TENM2: variants seen among roughly 807,000 people sequenced by gnomAD.
TENM2 encodes the protein teneurin-2.
A neutral mutation model predicts 245.2 loss-of-function variants in TENM2; 52 were observed. That is an observed-to-expected ratio of 0.21 (90% CI 0.17 to 0.27). The LOEUF (loss-of-function observed/expected upper bound fraction) is 0.27. Among genes scored for constraint, TENM2 ranks in the 10% least tolerant of loss-of-function variants. The probability of loss-of-function intolerance (pLI) is 1.00; values close to 1 mark genes in which losing one functional copy is unlikely to be tolerated. For missense variants in TENM2, 3,046 were observed against 3,666.8 expected, an observed-to-expected ratio of 0.83 and a Z score of 4.37; for synonymous variants, 1,363 against 1,438.9, an observed-to-expected ratio of 0.95 and a Z score of 1.19.
intron 2 of TENM2, among the ~76,000 whole-genome samples, chr5:167,593,237 C>CA (rs572699264): frequency 6.6e-6 from 1 of 152,108 alleles, no homozygotes; most frequent in Non-Finnish European, 1.5e-5. Context: ...AGTATTATTA[C>CA]AAAAAAGATG....
intron 11 of TENM2, 72 bp from the exon 14 acceptor site, chr5:168,126,682 G>A: frequency 7.5e-7 from 1 of 1,327,230 alleles, no homozygotes; most frequent in Non-Finnish European, 1.0e-6. Flanking sequence ...TCTGGGCCAT[G>A]TGCGTGGTCT....
intron 2 of TENM2, among the ~76,000 whole-genome samples, chr5:167,419,010 A>G (rs962958589): frequency 6.6e-6 from 1 of 152,186 alleles, no homozygotes; most frequent in Non-Finnish European, 1.5e-5. Flanking sequence ...ACTAAAGTAT[A>G]TAACTATACT....
chr5:167,364,989 G>A (rs1259407700), intron 1 of TENM2, among the ~76,000 whole-genome samples: 4 of 151,710 alleles, frequency 2.6e-5, no homozygotes, highest in African/African-American at 4.8e-5. Flanking sequence ...CACTACACAC[G>A]AGAATTCTCG....
intron 2 of TENM2, among the ~76,000 whole-genome samples, chr5:167,548,807 C>T (rs1344264734): frequency 6.6e-6 from 1 of 152,098 alleles, no homozygotes; most frequent in Admixed American, 6.5e-5. Context: ...ATGTATTTTT[C>T]AGTTGTTGGA....
intron 2 of TENM2, among the ~76,000 whole-genome samples, chr5:167,750,882 C>G (rs1280134215): frequency 6.6e-6 from 1 of 152,038 alleles, no homozygotes; most frequent in Non-Finnish European, 1.5e-5. Flanking sequence ...ATATCATATT[C>G]CACCAGTGTA....
At chr5:168,071,547 G>A (rs1392195331) in intron 7 of TENM2, among the ~76,000 whole-genome samples, 1 of 152,038 alleles carries the variant, frequency 6.6e-6, no homozygotes, top group African/African-American at 2.4e-5. Flanking sequence ...ATAGATGGAG[G>A]ACATCTTTCC....
chr5:167,623,418 C>A (rs182178205), intron 2 of TENM2, among the ~76,000 whole-genome samples: 25 of 152,264 alleles, frequency 1.6e-4, no homozygotes, highest in Admixed American at 1.4e-3. Flanking sequence ...TCCCCACTCC[C>A]AGTCGATTTA....
the TENM2 span, among the ~76,000 whole-genome samples, chr5:167,247,944 A>G: frequency 6.6e-6 from 1 of 152,158 alleles, no homozygotes; most frequent in Non-Finnish European, 1.5e-5. Flanking sequence ...TCAGTGTGAC[A>G]ACTGAAATGG....
chr5:167,108,545 A>G, the TENM2 span, among the ~76,000 whole-genome samples: 3 of 152,218 alleles, frequency 2.0e-5, no homozygotes, highest in Admixed American at 1.3e-4. Flanking sequence ...GTAACATTAT[A>G]CGGTAACTAT....
intron 1 of TENM2, among the ~76,000 whole-genome samples, chr5:167,338,727 G>C (rs970372244): frequency 6.6e-6 from 1 of 152,136 alleles, no homozygotes; most frequent in African/African-American, 2.4e-5. Flanking sequence ...GGAACTGGGT[G>C]GCTTAAATAA....
At chr5:167,944,186 C>T (rs1779412782) in intron 3 of TENM2, among the ~76,000 whole-genome samples, 1 of 152,182 alleles carries the variant, frequency 6.6e-6, no homozygotes, top group South Asian at 2.1e-4. Context: ...CCCAAATTCA[C>T]AATAGCTATT....
chr5:167,784,002 T>G (rs939903214), intron 2 of TENM2, among the ~76,000 whole-genome samples: 4 of 152,156 alleles, frequency 2.6e-5, no homozygotes, highest in Non-Finnish European at 4.4e-5. Context: ...TGGAAGTCAC[T>G]GAGCCAAGCA....
chr5:167,895,472 C>A (rs1307551326), intron 3 of TENM2, among the ~76,000 whole-genome samples: 1 of 152,222 alleles, frequency 6.6e-6, no homozygotes, highest in Non-Finnish European at 1.5e-5. Context: ...ATGTAACCAT[C>A]AAATCAAGCA....
At chr5:167,002,061 A>G in the TENM2 span, among the ~76,000 whole-genome samples, 8 of 152,244 alleles carry the variant, frequency 5.3e-5, no homozygotes, top group African/African-American at 1.9e-4. Context: ...GACAAGGGAT[A>G]TTTTTGGACA....
chr5:167,034,401 C>T, the TENM2 span, among the ~76,000 whole-genome samples: 2 of 152,130 alleles, frequency 1.3e-5, no homozygotes, highest in Middle Eastern at 3.4e-3. Flanking sequence ...GAGGCCGAGG[C>T]GGGTGGATCA....
intron 2 of TENM2, among the ~76,000 whole-genome samples, chr5:167,424,345 A>G (rs1282859290): frequency 6.6e-6 from 1 of 152,098 alleles, no homozygotes; most frequent in African/African-American, 2.4e-5. Flanking sequence ...ACACATTCAG[A>G]AATTGTGAGC....
chr5:167,665,862 T>C (rs986618223), intron 2 of TENM2, among the ~76,000 whole-genome samples: 6 of 152,228 alleles, frequency 3.9e-5, no homozygotes, highest in Admixed American at 1.3e-4. Context: ...TCAATTTTCA[T>C]TGACATTATC....
chr5:168,162,743 A>G, exon 13 of TENM2: 1 of 1,614,038 alleles, frequency 6.2e-7, no homozygotes, highest in Non-Finnish European at 8.5e-7. Context: ...GCTGATAACA[A>G]GGATAATGAG....
chr5:168,240,239 A>T (rs1386540250), intron 25 of TENM2, among the ~76,000 whole-genome samples: 1 of 152,168 alleles, frequency 6.6e-6, no homozygotes, highest in African/African-American at 2.4e-5. Flanking sequence ...AAAATCAACA[A>T]GACCCAAACC....
Sources: allele counts gnomAD v4.1 joint callset (sites outside exome capture counted in the v4.1 genomes callset), GRCh38; gene constraint gnomAD v4.1.1; transcripts MANE v1.5; gene names NCBI Gene and HGNC (gene_info 2026-07-23, HGNC 2026-07-21).